The following PPP2R2C variants were observed in gnomAD, a reference collection of about 807,000 sequenced individuals.
PPP2R2C encodes the protein protein phosphatase 2, regulatory subunit B, gamma.
Under a neutral mutation model 45.3 loss-of-function variants are expected in PPP2R2C, and 10 were observed. The ratio of observed to expected loss-of-function variants is 0.22; its 90% confidence interval spans 0.14 to 0.37. The LOEUF (loss-of-function observed/expected upper bound fraction) is 0.37. PPP2R2C is among the 10% of genes least tolerant of loss of function. PPP2R2C has a pLI of 1.00. For missense variants in PPP2R2C, 308 were observed against 619.7 expected (o/e 0.50, Z 5.34); for synonymous variants, 257 against 245.4 (o/e 1.05, Z -0.44).
At chr4:6,399,423 T>G (rs540943020) in intron 1 of PPP2R2C, among the ~76,000 whole-genome samples, 2 of 152,302 alleles carry the variant, frequency 1.3e-5, no homozygotes, top group South Asian at 4.2e-4. Flanking sequence ...AAACAGTCAT[T>G]TGGTGCATTT....
At chr4:6,540,151 C>T (rs1724763107) in intron 1 of PPP2R2C, among the ~76,000 whole-genome samples, 2 of 152,166 alleles carry the variant, frequency 1.3e-5, no homozygotes, top group South Asian at 4.1e-4. Context: ...GCTGTGCAGC[C>T]CTCACCATGA....
chr4:6,394,094 A>G (rs1179590764), intron 1 of PPP2R2C, among the ~76,000 whole-genome samples: 2 of 152,206 alleles, frequency 1.3e-5, no homozygotes, highest in Admixed American at 1.3e-4. Flanking sequence ...CCTAAAGACG[A>G]AGCTTGCCAA....
Position 6,514,854 on chromosome 4 carries a change from C to T in PPP2R2C, c.49+20417G>A, listed in dbSNP as rs191040539. ...AGGCTCCAGAAGAGGGTCTGCTCCA[C>T]GCCTAGCTCAGCTTCAGGTGTTGCC... On this transcript the variant is annotated intron_variant, in intron 2 of 9. Coordinates refer to the PPP2R2C transcript ENST00000506140. Among the ~76,000 whole-genome samples the T allele has an allele frequency of 2.0e-4, 31 of 152,308 alleles. 1 individual carries two copies. The highest frequency in any genetic ancestry group is 6.0e-4 in the African/African-American group (25 of 41,576).
chr4:6,501,704 C>T (rs1191537900), intron 2 of PPP2R2C, among the ~76,000 whole-genome samples: 10 of 152,150 alleles, frequency 6.6e-5, no homozygotes, highest in Admixed American at 3.3e-4. Flanking sequence ...ATTTTACAGA[C>T]GAAGAAGCCA....
chr4:6,398,661 G>T (rs752899278), intron 1 of PPP2R2C, among the ~76,000 whole-genome samples: 1 of 152,146 alleles, frequency 6.6e-6, no homozygotes, highest in East Asian at 1.9e-4. Flanking sequence ...AATGAAAAAC[G>T]ATAGAGCCCC....
intron 5 of PPP2R2C, among the ~76,000 whole-genome samples, chr4:6,360,391 G>A (rs1287818397): frequency 6.6e-6 from 1 of 152,234 alleles, no homozygotes; most frequent in African/African-American, 2.4e-5. Context: ...GATGCTGGGT[G>A]CAGAGCAGGG....
At chr4:6,504,935 C>G (rs566258879) in intron 2 of PPP2R2C, among the ~76,000 whole-genome samples, 1 of 152,138 alleles carries the variant, frequency 6.6e-6, no homozygotes, top group African/African-American at 2.4e-5. Flanking sequence ...ATTTCCAGAT[C>G]CAAGAAGTTC....
intron 1 of PPP2R2C, among the ~76,000 whole-genome samples, chr4:6,428,423 T>C (rs1238216626): frequency 6.6e-6 from 1 of 152,238 alleles, no homozygotes; most frequent in Admixed American, 6.5e-5. Context: ...GGTGACTGTG[T>C]CCTGGTCCAC....
intron 2 of PPP2R2C, among the ~76,000 whole-genome samples, chr4:6,515,640 T>A (rs9992880): frequency 0.061 from 9,313 of 152,292 alleles, 483 homozygotes; most frequent in African/African-American, 0.15. Flanking sequence ...TTAACTATCA[T>A]CTAATCCCTT....
chr4:6,406,416 A>G (rs1717797757), intron 1 of PPP2R2C, among the ~76,000 whole-genome samples: 2 of 152,226 alleles, frequency 1.3e-5, no homozygotes, highest in Non-Finnish European at 2.9e-5. Flanking sequence ...AATGGGTTGA[A>G]TGGTGCCCCA....
At chr4:6,477,349 G>T (rs1316114775), upstream of PPP2R2C, among the ~76,000 whole-genome samples, 1 of 152,180 alleles carries the variant, frequency 6.6e-6, no homozygotes, top group Non-Finnish European at 1.5e-5. Context: ...GATTGTCCCT[G>T]TTGATCCACA....
At chr4:6,460,973 T>G (rs1282951963) in intron 1 of PPP2R2C, among the ~76,000 whole-genome samples, 1 of 151,702 alleles carries the variant, frequency 6.6e-6, no homozygotes, top group Non-Finnish European at 1.5e-5. Flanking sequence ...CCCACACACA[T>G]CCTCTAAATC....
At chr4:6,372,778 T>C in intron 4 of PPP2R2C, 78 bp from the exon 5 acceptor site, 1 of 1,451,690 alleles carries the variant, frequency 6.9e-7, no homozygotes, top group South Asian at 1.2e-5. Context: ...GAGCATGTGA[T>C]CCCAACCGGA....
At chr4:6,422,352 C>A (rs965205901) in intron 1 of PPP2R2C, among the ~76,000 whole-genome samples, 2 of 152,236 alleles carry the variant, frequency 1.3e-5, no homozygotes, top group African/African-American at 4.8e-5. Context: ...CGCCCGCCAG[C>A]AAGCCCTGTG....
intron 6 of PPP2R2C, among the ~76,000 whole-genome samples, chr4:6,338,005 G>A (rs555216017): frequency 2.0e-5 from 3 of 151,506 alleles, no homozygotes; most frequent in Admixed American, 1.3e-4. Context: ...CATATCAATC[G>A]CTGCCCCCGA....
At chr4:6,399,188 C>A (rs907961359) in intron 1 of PPP2R2C, among the ~76,000 whole-genome samples, 1 of 152,186 alleles carries the variant, frequency 6.6e-6, no homozygotes, top group East Asian at 1.9e-4. Flanking sequence ...CAAACATATA[C>A]ATAGCTTGCC....
chr4:6,348,787 A>G (rs1041177390), intron 5 of PPP2R2C: 1 of 811,350 alleles, frequency 1.2e-6, no homozygotes, highest in African/African-American at 1.9e-5. Flanking sequence ...GCAGAGAAAG[A>G]TCTGGTGATG....
At chr4:6,380,594 G>C (rs1201665802) in intron 2 of PPP2R2C, among the ~76,000 whole-genome samples, 1 of 152,196 alleles carries the variant, frequency 6.6e-6, no homozygotes, top group Non-Finnish European at 1.5e-5. Flanking sequence ...TGGGGCAGCA[G>C]CTGCCTGTGC....
intron 1 of PPP2R2C, among the ~76,000 whole-genome samples, chr4:6,536,338 C>T (rs1373794224): frequency 2.6e-5 from 4 of 152,156 alleles, no homozygotes; most frequent in African/African-American, 7.2e-5. Context: ...ATGTAAAGAA[C>T]TCTTACAAAT....
Sources: allele counts gnomAD v4.1 joint callset (sites outside exome capture counted in the v4.1 genomes callset), GRCh38; gene constraint gnomAD v4.1.1; transcripts MANE v1.5; gene names NCBI Gene and HGNC (gene_info 2026-07-23, HGNC 2026-07-21).